The following RIPK4 variants were observed in gnomAD, a reference collection of about 807,000 sequenced individuals.
RIPK4 encodes the protein receptor-interacting serine/threonine-protein kinase 4.
RIPK4 carries 17 observed loss-of-function variants against 42.9 expected under a neutral mutation model. The ratio of observed to expected loss-of-function variants is 0.40; its 90% CI spans 0.27 to 0.59. RIPK4 has a LOEUF of 0.59. Ranked by LOEUF, RIPK4 falls within the 20% of genes least tolerant of loss-of-function variation. RIPK4 has a pLI of 0.47. For missense variants in RIPK4, 897 were observed against 1,104.4 expected (o/e 0.81, Z 2.66); for synonymous variants, 498 against 499.1 (o/e 1.00, Z 0.03).
chr21:41,754,648 A>T (rs1191164285), intron 2 of RIPK4, among the ~76,000 whole-genome samples: 3 of 152,144 alleles, frequency 2.0e-5, no homozygotes, highest in Non-Finnish European at 4.4e-5. Flanking sequence ...TCCTTCACCT[A>T]AAGGCTCTGC....
At chr21:41,750,989 T>G in intron 3 of RIPK4, 108 bp downstream of exon 3, 1 of 1,428,646 alleles carries the variant, frequency 7.0e-7, no homozygotes, top group South Asian at 1.4e-5. Flanking sequence ...GAGCCCCATT[T>G]CTGACTGGCA....
At position 41,740,953 on chromosome 21, in the gene RIPK4, T is replaced by C; in HGVS notation, c.2240A>G (p.His747Arg). Residue 747 changes from histidine (H) to arginine (R), a missense_variant, in exon 8 of 8, where the codon CAC becomes CGC. His to Arg is a conservative substitution (Grantham distance 29, BLOSUM62 0). Coordinates refer to ENST00000332512, the MANE Select transcript of RIPK4 (RefSeq NM_020639.3). Reference protein sequence around the residue: ...SALHLAAQGRHAQTVETLLRH... With the variant: ...SALHLAAQGRRAQTVETLLRH... ...GAGCAGAGTCTCCACCGTCTGTGCGTGCCGGCCCTGGGCGGCCAGGTGCAG... is the reference window on the plus strand; with the variant it reads ...GAGCAGAGTCTCCACCGTCTGTGCGCGCCGGCCCTGGGCGGCCAGGTGCAG... 6.2e-7 allele frequency: 1 copy of C among 1,612,474 alleles called. No homozygotes were observed. Among genetic ancestry groups the C allele is most frequent in the Non-Finnish European group, 8.5e-7 (1 of 1,179,856 alleles).
At chr21:41,759,260 A>AT (rs543449106) in intron 1 of RIPK4, among the ~76,000 whole-genome samples, 45 of 151,834 alleles carry the variant, frequency 3.0e-4, no homozygotes, top group Non-Finnish European at 5.4e-4. Flanking sequence ...CACTCAGCTA[A>AT]TTTTTTGTAT....
rs568418877 is a variant in RIPK4, at chr21:41,757,089, TGG to T, written c.183-275_183-274del. ...TTACAGGTAGCACTGATAACACATG[TGG>T]GGGGTCCACGTGTGTGAATAATTCC... On this transcript the variant is annotated intron_variant, in intron 1 of 7. Coordinates refer to ENST00000332512, the MANE Select transcript of RIPK4 (RefSeq NM_020639.3). Among the ~76,000 whole-genome samples the T allele has an allele frequency of 3.9e-5, 6 of 152,270 alleles. No homozygotes were observed. The South Asian group carries it at 1.2e-3, about 32-fold the overall frequency.
At chr21:41,760,820 T>G (rs1009150277) in intron 1 of RIPK4, among the ~76,000 whole-genome samples, 4 of 152,126 alleles carry the variant, frequency 2.6e-5, no homozygotes, top group Admixed American at 2.6e-4. Flanking sequence ...AGAATCCCAC[T>G]GGCCTTGGGA....
chr21:41,745,609 C>G (rs944852697), intron 6 of RIPK4, 150 bp downstream of exon 6: 1 of 627,964 alleles, frequency 1.6e-6, no homozygotes, highest in East Asian at 2.7e-5. Context: ...CCCCATGGGA[C>G]CTACACTTCT....
intron 6 of RIPK4, 78 bp from the exon 7 acceptor site, chr21:41,744,218 G>A: frequency 7.0e-7 from 1 of 1,425,328 alleles, no homozygotes. Flanking sequence ...AAACACAGAA[G>A]AGCAAGGTGG....
At chr21:41,761,967 C>A (rs1004497779) in intron 1 of RIPK4, among the ~76,000 whole-genome samples, 5 of 152,140 alleles carry the variant, frequency 3.3e-5, no homozygotes, top group Non-Finnish European at 7.3e-5. Context: ...GCTCTTTCTG[C>A]AGAACGGAGA....
In RIPK4 at chr21:41,751,962, C is replaced by T. The variant is rs1356565170; in HGVS notation, c.475-717G>A. On this transcript the variant is annotated intron_variant, in intron 2 of 7. Transcript: ENST00000332512. The surrounding 1 kb of genome is among the most constrained non-coding windows in gnomAD (Gnocchi z 4.5). ...CTCCTCCAGGAATGCCCTCAACGTC[C>T]GCATTCAGGGGAGGCAGGTCTCAGG... 1.3e-5 allele frequency among the ~76,000 whole-genome samples: 2 copies of T among 152,100 alleles called. No individual in the cohort carries two copies. The highest frequency in any genetic ancestry group is 1.5e-5 in the Non-Finnish European group (1 of 68,000).
intron 2 of RIPK4, among the ~76,000 whole-genome samples, chr21:41,756,291 T>C (rs2061203124): frequency 6.6e-6 from 1 of 152,196 alleles, no homozygotes; most frequent in Admixed American, 6.5e-5. Context: ...GCCCCCATGT[T>C]CACCAAGCTA....
intron 4 of RIPK4, among the ~76,000 whole-genome samples, chr21:41,747,499 C>CA: frequency 6.6e-6 from 1 of 152,200 alleles, no homozygotes; most frequent in East Asian, 1.9e-4. Flanking sequence ...TTGTTCCCAA[C>CA]AGCCCTCTCT....
chr21:41,744,158 AG>A lies in RIPK4; in HGVS notation c.937-19del, dbSNP rs1257070355. 1 of 1,563,556 alleles carries A rather than the reference AG, an allele frequency of 6.4e-7. No homozygotes were observed. Among genetic ancestry groups the A allele is most frequent in the Non-Finnish European group, 8.7e-7 (1 of 1,153,460 alleles). On this transcript the variant is annotated intron_variant, in intron 6 of 7. Transcript: ENST00000332512. ...GGCACCACCTGCGAAGATGCAGAAG[AG>A]GGGGTGGGTGAAGACCCTGCCATAG...
At chr21:41,746,575 A>G (rs1053077537) in intron 5 of RIPK4, 38 bp downstream of exon 5, 8 of 1,605,364 alleles carry the variant, frequency 5.0e-6, no homozygotes, top group Non-Finnish European at 5.1e-6. Context: ...CTCCTGTGAC[A>G]CCCACAGAAT....
In RIPK4 at chr21:41,766,868, G is replaced by T; in HGVS notation, c.174C>A (p.Val58=). The T allele has an allele frequency of 1.9e-6, 3 of 1,608,698 alleles. No individual in the cohort carries two copies. Among genetic ancestry groups the T allele is most frequent in the Non-Finnish European group, 2.5e-6 (3 of 1,178,036 alleles). ...LAIKCSPSLH[V]DDRERMELLE... ...CCGCCCGGGCCGCTCACCTGTCGTC[G>T]ACGTGCAGGCTGGGCGAGCACTTGA... The change falls in exon 1 of 8, where the codon GTC becomes GTA. Residue 58 remains valine, a synonymous_variant. Transcript: ENST00000332512.
intron 5 of RIPK4, among the ~76,000 whole-genome samples, 171 bp downstream of exon 5, chr21:41,746,442 C>T (rs1284637320): frequency 6.6e-6 from 1 of 152,246 alleles, no homozygotes; most frequent in Non-Finnish European, 1.5e-5. Flanking sequence ...CCGTGAGTAC[C>T]AGAGGCCGCA....
chr21:41,749,311 G>A lies in RIPK4; in HGVS notation c.624-108C>T, dbSNP rs2146051192. On this transcript the variant is annotated intron_variant, in intron 3 of 7. Coordinates refer to ENST00000332512, the MANE Select transcript of RIPK4 (RefSeq NM_020639.3). Reference sequence around the variant, plus strand: ...GACACCTGTTCTGAAGCCTTCCAAAGACAGAGCCATGACACCGAGATATTT... The same window carrying A: ...GACACCTGTTCTGAAGCCTTCCAAAAACAGAGCCATGACACCGAGATATTT... The A allele has an allele frequency of 2.8e-6, 3 of 1,062,288 alleles. No individual in the cohort carries two copies. The Admixed American group carries it at 5.4e-5, about 19-fold the overall frequency. The allele number at this position is 1,062,288 out of a possible 1,614,324, so 65.8% of individuals were successfully genotyped here. A position where few individuals can be genotyped will look rare whatever the true frequency, so the allele number is the denominator to read the frequency against.
In RIPK4 at chr21:41,741,739, C is replaced by T. The variant is rs1300062126; in HGVS notation, c.1454G>A (p.Gly485Asp). 3 of 1,612,598 alleles carry T rather than the reference C, an allele frequency of 1.9e-6. No homozygotes were observed. Among genetic ancestry groups the T allele is most frequent in the Non-Finnish European group, 2.5e-6 (3 of 1,180,008 alleles). The change falls in exon 8 of 8, where the codon GGT becomes GAT. Residue 485 changes from glycine (G) to aspartate (D), a missense_variant. Gly to Asp is a moderately conservative substitution (Grantham distance 94). Coordinates refer to ENST00000332512, the MANE Select transcript of RIPK4 (RefSeq NM_020639.3). Reference protein sequence around the residue: ...LHMAVERRVRGVVELLLARKI... With the variant: ...LHMAVERRVRDVVELLLARKI... The stretch of plus-strand genomic sequence containing the variant: ...CCGCGCCAGCAGGAGCTCCACGACA[C>T]CCCGCACCCTCCTCTCCACGGCCAT...
Position 41,745,222 on chromosome 21 carries a change from G to A in RIPK4, c.936+537C>T, listed in dbSNP as rs1487751757. Among the ~76,000 whole-genome samples, 3 of 152,064 alleles carry A rather than the reference G, an allele frequency of 2.0e-5. No homozygotes were observed. In the South Asian group the frequency reaches 6.2e-4, roughly 31 times the overall value. On this transcript the variant is annotated intron_variant, in intron 6 of 7. Transcript: ENST00000332512. ...TCACACCAACAGCCTGGGATTAATC[G>A]CCCAACACCAGATAACACGTTATAA...
At chr21:41,759,228 A>G (rs2061213751) in intron 1 of RIPK4, among the ~76,000 whole-genome samples, 1 of 152,020 alleles carries the variant, frequency 6.6e-6, no homozygotes, top group South Asian at 2.1e-4. Context: ...CCTCCAGGGT[A>G]GCTGGGATTA....
Sources: allele counts gnomAD v4.1 joint callset (sites outside exome capture counted in the v4.1 genomes callset), GRCh38; gene constraint gnomAD v4.1.1; non-coding constraint Gnocchi (gnomAD v3.1); transcripts MANE v1.5; gene names NCBI Gene and HGNC (gene_info 2026-07-23, HGNC 2026-07-21).